The following IL1RAPL1 variants were observed in gnomAD, a reference collection of about 807,000 sequenced individuals.
IL1RAPL1 encodes interleukin 1 receptor accessory protein like 1, also known as interleukin-1 receptor accessory protein-like 1.
Under a neutral mutation model 48.4 loss-of-function variants are expected in IL1RAPL1, and 3 were observed. The observed-to-expected ratio is 0.06, with a 90% CI of 0.03 to 0.16. The LOEUF is 0.16. Ranked by LOEUF, IL1RAPL1 falls within the 10% of genes least tolerant of loss-of-function variation. IL1RAPL1 has a pLI of 1.00. For missense variants in IL1RAPL1, 349 were observed against 530.6 expected, an observed-to-expected ratio of 0.66 and a Z score of 3.36; for synonymous variants, 185 against 187.7, an observed-to-expected ratio of 0.99 and a Z score of 0.12.
chrX:29,476,457 C>T (rs758495739), intron 5 of IL1RAPL1, among the ~76,000 whole-genome samples: 2 of 111,321 alleles, frequency 1.8e-5, no homozygotes, highest in Non-Finnish European at 3.8e-5. Context: ...ACATTATTGT[C>T]GTGTATTTAT....
chrX:28,808,802 G>A (rs1324833057), intron 2 of IL1RAPL1, among the ~76,000 whole-genome samples: 1 of 110,506 alleles, frequency 9.0e-6, no homozygotes, highest in Non-Finnish European at 1.9e-5. Context: ...ATTTTTAGGA[G>A]AAGGAGGGTA....
intron 5 of IL1RAPL1, among the ~76,000 whole-genome samples, chrX:29,503,425 C>T (rs887725074): frequency 2.7e-5 from 3 of 110,231 alleles, no homozygotes; most frequent in African/African-American, 9.9e-5. Flanking sequence ...TTTCTAGTTC[C>T]GTGAGGTGCA....
Position 29,678,935 on chromosome X carries a change from C to T in IL1RAPL1, c.778+10431C>T, listed in dbSNP as rs6628464. On this transcript the variant is annotated intron_variant, in intron 6 of 10. Transcript: ENST00000378993. ...AGAGTCCAAGAGAGTGAATAATTTTCTCTCCCTTCCACTTCTCCCCAGTGA... is the reference window on the plus strand; with the variant it reads ...AGAGTCCAAGAGAGTGAATAATTTTTTCTCCCTTCCACTTCTCCCCAGTGA... 7.0e-3 allele frequency among the ~76,000 whole-genome samples: 783 copies of T among 111,328 alleles called. 5 individuals are homozygous for T. The highest frequency in any genetic ancestry group is 0.024 in the African/African-American group (746 of 30,611).
At chrX:29,795,880 A>G (rs1466604087) in intron 6 of IL1RAPL1, among the ~76,000 whole-genome samples, 1 of 112,974 alleles carries the variant, frequency 8.9e-6, no homozygotes. Flanking sequence ...AGTCCCTAAA[A>G]GAGAAAAGTT....
intron 5 of IL1RAPL1, among the ~76,000 whole-genome samples, chrX:29,586,428 A>G (rs1490933733): frequency 2.7e-5 from 3 of 111,774 alleles, no homozygotes; most frequent in Non-Finnish European, 5.7e-5. Flanking sequence ...TGGCATTACC[A>G]TATCTTTTGA....
intron 2 of IL1RAPL1, among the ~76,000 whole-genome samples, chrX:28,926,304 C>G (rs1923740034): frequency 9.0e-6 from 1 of 111,498 alleles, no homozygotes; most frequent in African/African-American, 3.3e-5. Flanking sequence ...GATCAGACTT[C>G]TAAAAACATA....
chrX:29,771,650 T>C, intron 6 of IL1RAPL1, among the ~76,000 whole-genome samples: 1 of 111,872 alleles, frequency 8.9e-6, no homozygotes, highest in Middle Eastern at 4.6e-3. Context: ...ACTATATCTT[T>C]AAGAGAAAAA....
chrX:29,908,822 TCAAA>T (rs776252822), intron 6 of IL1RAPL1, among the ~76,000 whole-genome samples: 2 of 112,162 alleles, frequency 1.8e-5, no homozygotes, highest in African/African-American at 3.2e-5. Context: ...CAGGTTATCT[TCAAA>T]CAATGTTTTT....
intron 6 of IL1RAPL1, among the ~76,000 whole-genome samples, chrX:29,739,214 C>G (rs1928133067): frequency 8.9e-6 from 1 of 112,551 alleles, no homozygotes; most frequent in African/African-American, 3.2e-5. Context: ...TATGCTGTCT[C>G]TTCTAAATGG....
At chrX:29,107,090 A>G (rs1928463166) in intron 2 of IL1RAPL1, among the ~76,000 whole-genome samples, 1 of 112,066 alleles carries the variant, frequency 8.9e-6, no homozygotes, top group African/African-American at 3.2e-5. Context: ...TTAAGTTCTA[A>G]ATGAATTTTT....
chrX:28,881,716 A>G (rs956454888), intron 2 of IL1RAPL1, among the ~76,000 whole-genome samples: 1 of 111,928 alleles, frequency 8.9e-6, no homozygotes, highest in Non-Finnish European at 1.9e-5. Context: ...TTGGACTTGA[A>G]GAATATAATA....
At chrX:28,992,505 AAAAAAAAAAAAAGAAG>A (rs1925632746) in intron 2 of IL1RAPL1, among the ~76,000 whole-genome samples, 2 of 108,874 alleles carry the variant, frequency 1.8e-5, no homozygotes, top group Admixed American at 2.0e-4. Context: ...AAAAAAAGAA[AAAAAAAAAAAAAGAAG>A]AAAAAAAAAA....
In IL1RAPL1 at chrX:28,732,638, G is replaced by A. The variant is rs780868809; in HGVS notation, c.-24-56682G>A. ...TTTCATCCCAGCACTTTGGGAGGCC[G>A]AGGCGGGTGGATCACGAGGTCAAGA... On this transcript the variant is annotated intron_variant, in intron 1 of 10. Transcript: ENST00000378993. Among the ~76,000 whole-genome samples the A allele has an allele frequency of 4.5e-5, 5 of 111,496 alleles. No homozygotes were observed. The South Asian group carries it at 1.9e-3, about 43-fold the overall frequency.
At chrX:29,304,230 T>C (rs758617596) in intron 3 of IL1RAPL1, among the ~76,000 whole-genome samples, 103 of 111,292 alleles carry the variant, frequency 9.3e-4, no homozygotes, top group Non-Finnish European at 1.8e-3. Flanking sequence ...GAGTGTTAGA[T>C]TTCTTCCTTC....
At chrX:29,160,280 C>T (rs1349079423) in intron 2 of IL1RAPL1, among the ~76,000 whole-genome samples, 1 of 111,583 alleles carries the variant, frequency 9.0e-6, no homozygotes, top group Non-Finnish European at 1.9e-5. Context: ...GATGTGGACA[C>T]TGCTTCTCAT....
chrX:28,757,943 C>G (rs1936123634), intron 1 of IL1RAPL1, among the ~76,000 whole-genome samples: 1 of 112,115 alleles, frequency 8.9e-6, no homozygotes, highest in African/African-American at 3.2e-5. Context: ...CATTAAAATT[C>G]AGTTGGACGA....
intron 2 of IL1RAPL1, among the ~76,000 whole-genome samples, chrX:29,032,743 GCACACA>G (rs34159057): frequency 1.5e-3 from 162 of 105,638 alleles, no homozygotes; most frequent in Middle Eastern, 0.014. Flanking sequence ...ACGTGGGCAT[GCACACA>G]CACACACACA....
intron 5 of IL1RAPL1, among the ~76,000 whole-genome samples, chrX:29,593,879 C>T (rs761063645): frequency 9.4e-4 from 105 of 112,113 alleles, no homozygotes; most frequent in Admixed American, 2.8e-3. Context: ...GTGGTTAAAA[C>T]CCAAATGTGT....
At chrX:29,541,666 A>G (rs901799380) in intron 5 of IL1RAPL1, among the ~76,000 whole-genome samples, 1 of 111,986 alleles carries the variant, frequency 8.9e-6, no homozygotes, top group Non-Finnish European at 1.9e-5. Context: ...CCATTATCCT[A>G]AGTTGATTAG....
Sources: gnomAD v4.1 joint callset for allele counts (sites outside exome capture counted in the v4.1 genomes callset) on GRCh38, gnomAD v4.1.1 for gene constraint, MANE v1.5 for transcripts, NCBI Gene and HGNC (gene_info 2026-07-23, HGNC 2026-07-21) for gene names.